Variants in DOCK3 observed in about 807,000 individuals in gnomAD.
DOCK3 encodes the protein dedicator of cytokinesis protein 3.
Under a neutral mutation model 265.6 loss-of-function variants are expected in DOCK3, and 60 were observed. The ratio of observed to expected loss-of-function variants is 0.23; its 90% confidence interval spans 0.18 to 0.28. DOCK3 has a LOEUF of 0.28. Ranked by LOEUF, DOCK3 falls within the 10% of genes least tolerant of loss-of-function variation. The pLI, the probability that DOCK3 is intolerant of heterozygous loss-of-function variation, is 1.00. For missense variants in DOCK3, 1,981 were observed against 2,594.3 expected (o/e 0.76, Z 5.14); for synonymous variants, 881 against 938.0 (o/e 0.94, Z 1.11).
At chr3:50,689,241 C>CG (rs1457720825) in intron 1 of DOCK3, among the ~76,000 whole-genome samples, 1 of 152,174 alleles carries the variant, frequency 6.6e-6, no homozygotes, top group African/African-American at 2.4e-5. Context: ...AGCTTCACCT[C>CG]GGATCATCAG....
intron 5 of DOCK3, among the ~76,000 whole-genome samples, chr3:51,055,909 C>G (rs2081184552): frequency 6.6e-6 from 1 of 152,104 alleles, no homozygotes; most frequent in Non-Finnish European, 1.5e-5. Flanking sequence ...TTTGGAATAT[C>G]AACTCTATAA....
At chr3:51,078,789 T>C (rs2082134343) in intron 7 of DOCK3, among the ~76,000 whole-genome samples, 1 of 152,156 alleles carries the variant, frequency 6.6e-6, no homozygotes, top group Non-Finnish European at 1.5e-5. Context: ...TTCAGGAAAC[T>C]ACTGAAGAGT....
rs1054181101 is a variant in DOCK3, at chr3:50,916,685, TG to T, written c.219-17295del. Among the ~76,000 whole-genome samples the T allele has an allele frequency of 9.9e-4, 151 of 151,958 alleles. 1 individual carries two copies. The highest frequency in any genetic ancestry group is 3.5e-3 in the African/African-American group (146 of 41,374). ...TTAGCTGGGTGTGGTGGCGGGCACC[TG>T]TAATCCCAGCTATTCAGGAGGCTGA... On this transcript the variant is annotated intron_variant, in intron 4 of 52. Coordinates refer to ENST00000266037, the MANE Select transcript of DOCK3 (RefSeq NM_004947.5).
At chr3:50,916,252 CT>C (rs2050117121) in intron 4 of DOCK3, among the ~76,000 whole-genome samples, 1 of 151,940 alleles carries the variant, frequency 6.6e-6, no homozygotes, top group Non-Finnish European at 1.5e-5. Flanking sequence ...TCCTGGGATC[CT>C]TTAGCTTAAC....
chr3:50,959,691 T>A (rs2076833666), intron 5 of DOCK3, among the ~76,000 whole-genome samples: 1 of 152,100 alleles, frequency 6.6e-6, no homozygotes, highest in African/African-American at 2.4e-5. Context: ...GCCATTCTCC[T>A]GCCTCAGCCT....
At chr3:51,208,726 A>G (rs536150733) in intron 12 of DOCK3, 48 bp from the exon 13 acceptor site, 3 of 1,474,934 alleles carry the variant, frequency 2.0e-6, no homozygotes, top group East Asian at 4.8e-5. Flanking sequence ...ACATCAGACC[A>G]GTTGTTTAAA....
intron 1 of DOCK3, among the ~76,000 whole-genome samples, chr3:50,745,030 T>A (rs1451304250): frequency 6.6e-6 from 1 of 152,190 alleles, no homozygotes; most frequent in Non-Finnish European, 1.5e-5. Flanking sequence ...CAAGACTGTT[T>A]GGCTACTTAG....
chr3:51,179,040 G>A (rs544568215), intron 12 of DOCK3, among the ~76,000 whole-genome samples: 9 of 152,278 alleles, frequency 5.9e-5, no homozygotes, highest in African/African-American at 1.4e-4. Context: ...TAACCAGAAC[G>A]CTGTGATAGT....
At chr3:51,082,180 C>T (rs970948042) in intron 7 of DOCK3, among the ~76,000 whole-genome samples, 3 of 151,896 alleles carry the variant, frequency 2.0e-5, no homozygotes, top group Non-Finnish European at 2.9e-5. Flanking sequence ...GAGTTTGGGC[C>T]GGGCCTCACA....
At chr3:51,350,261 C>T in intron 39 of DOCK3, 27 bp from the exon 40 acceptor site, 1 of 1,581,768 alleles carries the variant, frequency 6.3e-7, no homozygotes, top group Non-Finnish European at 8.6e-7. Context: ...GCAGTCAAGC[C>T]AACCTGAAGA....
intron 23 of DOCK3, among the ~76,000 whole-genome samples, chr3:51,267,414 C>T (rs2080252011): frequency 2.2e-5 from 3 of 134,258 alleles, no homozygotes; most frequent in Admixed American, 8.0e-5. Context: ...GATGGAGTTT[C>T]ACTCTTGTTG....
At chr3:51,289,261 C>A (rs937809819) in intron 27 of DOCK3, among the ~76,000 whole-genome samples, 3 of 152,074 alleles carry the variant, frequency 2.0e-5, no homozygotes, top group African/African-American at 7.2e-5. Context: ...AAGGGAACCA[C>A]AGATACTAGG....
chr3:50,715,854 T>A (rs1156641581), intron 1 of DOCK3, among the ~76,000 whole-genome samples: 1 of 152,172 alleles, frequency 6.6e-6, no homozygotes, highest in African/African-American at 2.4e-5. Context: ...AAGGAGGATA[T>A]TTTAACATTT....
chr3:50,939,000 A>T (rs1336856105), intron 5 of DOCK3, among the ~76,000 whole-genome samples: 1 of 151,954 alleles, frequency 6.6e-6, no homozygotes, highest in East Asian at 1.9e-4. Flanking sequence ...CAAAGCAAAA[A>T]CTGGTTTATA....
At chr3:50,691,426 G>A (rs1335252885) in intron 1 of DOCK3, among the ~76,000 whole-genome samples, 1 of 152,110 alleles carries the variant, frequency 6.6e-6, no homozygotes, top group African/African-American at 2.4e-5. Flanking sequence ...TGATGTTTCA[G>A]TGTATGGGTA....
intron 9 of DOCK3, among the ~76,000 whole-genome samples, chr3:51,117,040 C>G (rs549021682): frequency 2.0e-5 from 3 of 152,246 alleles, no homozygotes; most frequent in African/African-American, 7.2e-5. Context: ...TGTCTTGTGC[C>G]AGTTTTCAAG....
rs1224000934 is a variant in DOCK3, at chr3:51,381,431, G to C, written c.5965G>C (p.Glu1989Gln). 6.2e-7 allele frequency: 1 copy of C among 1,610,944 alleles called. No homozygotes were observed. The highest frequency in any genetic ancestry group is 1.3e-5 in the African/African-American group (1 of 74,880). ...CCGCCTGCCGGCCCTGGAGCACGAT[G>C]AGGGGGTGCTGCTGCGTGAAGAGAC... Reference protein sequence around the residue: ...HPRLPALEHDEGVLLREETER... With the variant: ...HPRLPALEHDQGVLLREETER... The change falls in exon 53 of 53, where the codon GAG (glutamate) becomes CAG (glutamine). Residue 1989 changes from glutamate to glutamine, a missense_variant. Around this residue, in one of 4 missense-constraint regions of DOCK3, gnomAD observed 149 missense variants for 144.7 expected, o/e 1.03. Transcript: ENST00000266037. The surrounding 1 kb of genome is among the most constrained non-coding windows in gnomAD (Gnocchi z 5.6).
chr3:51,090,206 C>G, intron 8 of DOCK3, 24 bp from the exon 9 acceptor site: 1 of 1,522,220 alleles, frequency 6.6e-7, no homozygotes, highest in Non-Finnish European at 8.8e-7. Flanking sequence ...ATAAAAATCA[C>G]TGGGTTTTTT....
At chr3:50,741,269 T>A (rs1416537214) in intron 1 of DOCK3, among the ~76,000 whole-genome samples, 1 of 26,338 alleles carries the variant, frequency 3.8e-5, no homozygotes, top group Non-Finnish European at 6.5e-5. Flanking sequence ...AGTCTCTGTT[T>A]TTTTATTTTA....
Sources: gnomAD v4.1 joint callset for allele counts (sites outside exome capture counted in the v4.1 genomes callset) on GRCh38, gnomAD v4.1.1 for gene constraint, gnomAD v4.1.1 regional missense constraint, Gnocchi (gnomAD v3.1) non-coding constraint, MANE v1.5 for transcripts, NCBI Gene and HGNC (gene_info 2026-07-23, HGNC 2026-07-21) for gene names.